RNF19A: variants seen among roughly 807,000 people sequenced by gnomAD.
RNF19A encodes the protein E3 ubiquitin-protein ligase RNF19A.
Under a neutral mutation model 75.7 loss-of-function variants are expected in RNF19A, and 32 were observed. That is an observed-to-expected ratio of 0.42 (90% CI 0.32 to 0.57). The LOEUF is 0.57. Among genes scored for constraint, RNF19A ranks in the 20% least tolerant of loss-of-function variants. RNF19A has a pLI of 0.10. For synonymous variants in RNF19A, 335 were observed against 345.2 expected (o/e 0.97, Z 0.33); for missense variants, 782 against 1,036.3 (o/e 0.75, Z 3.37).
upstream of RNF19A, chr8:100,310,088 G>T (rs981347988): frequency 3.0e-6 from 3 of 985,382 alleles, no homozygotes; most frequent in African/African-American, 5.2e-5. Flanking sequence ...GGGAACCAGC[G>T]CCGCAACTAC....
intron 7 of RNF19A, among the ~76,000 whole-genome samples, chr8:100,262,795 G>A (rs1819784308): frequency 6.6e-6 from 1 of 152,144 alleles, no homozygotes; most frequent in South Asian, 2.1e-4. Flanking sequence ...CTTGGACTAA[G>A]GGAAGGACAA....
At chr8:100,268,741 G>T in intron 5 of RNF19A, 44 bp downstream of exon 5, 8 of 1,102,156 alleles carry the variant, frequency 7.3e-6, no homozygotes, top group South Asian at 2.2e-5. Context: ...TACACCTAAA[G>T]ATTTAGAATA....
intron 1 of RNF19A, among the ~76,000 whole-genome samples, chr8:100,305,288 T>G (rs1033698905): frequency 1.1e-4 from 16 of 152,196 alleles, no homozygotes; most frequent in African/African-American, 3.9e-4. Context: ...ACAGGTAGCC[T>G]GACTTTCAAT....
chr8:100,291,364 T>C (rs560948866), intron 1 of RNF19A, among the ~76,000 whole-genome samples: 20 of 152,352 alleles, frequency 1.3e-4, no homozygotes, highest in Non-Finnish European at 2.2e-4. Context: ...GAATGATGCT[T>C]TTCAGTTGCT....
At chr8:100,318,839 G>A (rs575191557) in intron 1 of RNF19A, among the ~76,000 whole-genome samples, 19 of 152,340 alleles carry the variant, frequency 1.2e-4, no homozygotes, top group African/African-American at 4.6e-4. Flanking sequence ...TGTTGGAAAC[G>A]AAGAAAGGGA....
intron 1 of RNF19A, among the ~76,000 whole-genome samples, chr8:100,291,732 T>C (rs1038376008): frequency 1.3e-5 from 2 of 152,240 alleles, no homozygotes; most frequent in Non-Finnish European, 2.9e-5. Context: ...GTTATTCAGC[T>C]AAAATTAGGT....
In RNF19A at chr8:100,263,199, T is replaced by TAGAGGTC. The variant is rs1246489996; in HGVS notation, c.1468+828_1468+834dup. On this transcript the variant is annotated intron_variant, in intron 7 of 9. Coordinates refer to ENST00000341084, the MANE Select transcript of RNF19A (RefSeq NM_183419.4). ...AACTGAGCTCTGGGGAACAAACATT[T>TAGAGGTC]AGAGGTCAGAAGAGGAAAATGAACC... 5.2e-3 allele frequency among the ~76,000 whole-genome samples: 785 copies of TAGAGGTC among 152,214 alleles called. 5 individuals are homozygous for TAGAGGTC. Among genetic ancestry groups the TAGAGGTC allele is most frequent in the African/African-American group, 0.018 (751 of 41,536 alleles).
rs988823230 is a variant in RNF19A at position 100,332,516 on chromosome 8, A to T, written c.-243+3592T>A. Among the ~76,000 whole-genome samples, 10 of 152,208 alleles carry T rather than the reference A, an allele frequency of 6.6e-5. No individual in the cohort carries two copies. The highest frequency in any genetic ancestry group is 2.2e-4 in the African/African-American group (9 of 41,452). ...CTTTATAAATTACTCAGTTTCAGGG[A>T]AGTTCTTTATAGCAGTGTGAAAACA... is the stretch of plus-strand genomic sequence containing the variant. On this transcript the variant is annotated intron_variant, in intron 1 of 3. Transcript: ENST00000519527. This position sits in a 1 kb window ranked among gnomAD's most constrained non-coding sequence, Gnocchi z 4.8.
intron 2 of RNF19A, among the ~76,000 whole-genome samples, chr8:100,277,559 G>A (rs752507606): frequency 2.0e-5 from 3 of 151,852 alleles, no homozygotes; most frequent in Non-Finnish European, 4.4e-5. Flanking sequence ...TGATCTGCCC[G>A]CCTCAGCCTC....
chr8:100,300,321 A>C (rs1821766161), intron 1 of RNF19A, among the ~76,000 whole-genome samples: 1 of 152,230 alleles, frequency 6.6e-6, no homozygotes, highest in South Asian at 2.1e-4. Context: ...ATAAAGGTTT[A>C]TCTCTGTTAC....
At chr8:100,280,088 A>C (rs1034457013) in intron 2 of RNF19A, among the ~76,000 whole-genome samples, 1 of 152,192 alleles carries the variant, frequency 6.6e-6, no homozygotes, top group African/African-American at 2.4e-5. Context: ...ATGAAGCTGA[A>C]GTTAAAAGAA....
chr8:100,285,971 T>A (rs1820998096), intron 2 of RNF19A, among the ~76,000 whole-genome samples: 1 of 152,158 alleles, frequency 6.6e-6, no homozygotes, highest in African/African-American at 2.4e-5. Flanking sequence ...TTATAATGAC[T>A]CACAAAAAGT....
At chr8:100,285,982 T>C (rs932540509) in intron 2 of RNF19A, among the ~76,000 whole-genome samples, 3 of 151,528 alleles carry the variant, frequency 2.0e-5, no homozygotes, top group African/African-American at 7.3e-5. Flanking sequence ...CACAAAAAGT[T>C]TTTTTAAAAC....
At chr8:100,310,685 AG>A (rs1331522446), upstream of RNF19A, among the ~76,000 whole-genome samples, 1 of 152,172 alleles carries the variant, frequency 6.6e-6, no homozygotes, top group Non-Finnish European at 1.5e-5. Flanking sequence ...AGAGGCTGTT[AG>A]GAACAGTACT....
At chr8:100,299,843 T>C (rs1458620508) in intron 1 of RNF19A, among the ~76,000 whole-genome samples, 1 of 152,182 alleles carries the variant, frequency 6.6e-6, no homozygotes, top group African/African-American at 2.4e-5. Context: ...CTCAACTCCA[T>C]ACAAATTATT....
In RNF19A at chr8:100,288,005, T is replaced by C. The variant is rs1372826278; in HGVS notation, c.170A>G (p.Lys57Arg). The change falls in exon 2 of 10, where the codon AAA (lysine) becomes AGA (arginine). Residue 57 changes from lysine (K) to arginine (R), a missense_variant. This residue lies in a region of RNF19A where 148 missense variants were observed against 147.9 expected (regional missense o/e 1.00). Coordinates refer to ENST00000341084, the MANE Select transcript of RNF19A (RefSeq NM_183419.4). ...SASSVSLPSV[K>R]KAPKKRRISI... ...AATTCTTCTTTTTTTGGGTGCCTTT[T>C]TGACTGAAGGCAAGCTCACAGATGA... 6.2e-7 allele frequency: 1 copy of C among 1,614,214 alleles called. No individual in the cohort carries two copies. The highest frequency in any genetic ancestry group is 8.5e-7 in the Non-Finnish European group (1 of 1,180,028).
chr8:100,274,094 AT>A (rs1357927063), intron 3 of RNF19A, among the ~76,000 whole-genome samples: 25 of 151,994 alleles, frequency 1.6e-4, no homozygotes, highest in Non-Finnish European at 1.0e-4. Context: ...CAGTATCTTT[AT>A]TTTAAAGATG....
At chr8:100,265,690 A>G (rs1819940920) in intron 5 of RNF19A, among the ~76,000 whole-genome samples, 1 of 152,206 alleles carries the variant, frequency 6.6e-6, no homozygotes, top group South Asian at 2.1e-4. Flanking sequence ...TGGTATAATA[A>G]CACCTTTGGC....
chr8:100,310,103 T>TC, upstream of RNF19A: 4 of 984,450 alleles, frequency 4.1e-6, no homozygotes, highest in South Asian at 1.9e-4. Flanking sequence ...AACTACCACC[T>TC]CCCCCTCCCG....
Sources: allele counts gnomAD v4.1 joint callset (sites outside exome capture counted in the v4.1 genomes callset), GRCh38; gene constraint gnomAD v4.1.1; regional missense constraint gnomAD v4.1.1; non-coding constraint Gnocchi (gnomAD v3.1); transcripts MANE v1.5; gene names NCBI Gene and HGNC (gene_info 2026-07-23, HGNC 2026-07-21).